The following DLGAP2 variants were observed in gnomAD, a reference collection of about 807,000 sequenced individuals.
DLGAP2 encodes disks large-associated protein 2.
A neutral mutation model predicts 100.3 loss-of-function variants in DLGAP2; 26 were observed. The ratio of observed to expected loss-of-function variants is 0.26; its 90% CI spans 0.19 to 0.36. DLGAP2 has a LOEUF of 0.36. Ranked by LOEUF, DLGAP2 falls within the 10% of genes least tolerant of loss-of-function variation. The pLI is 1.00. For synonymous variants in DLGAP2, 886 were observed against 630.1 expected (o/e 1.41, Z -6.08); for missense variants, 1,858 against 1,453.2 (o/e 1.28, Z -4.53).
intron 2 of DLGAP2, among the ~76,000 whole-genome samples, chr8:1,245,522 C>T (rs573754551): frequency 2.6e-5 from 4 of 152,306 alleles, no homozygotes; most frequent in Admixed American, 6.5e-5. Flanking sequence ...CATTTATATG[C>T]AGTGTTCAGA....
chr8:1,207,576 G>T (rs1227849118), intron 2 of DLGAP2, among the ~76,000 whole-genome samples: 1 of 152,194 alleles, frequency 6.6e-6, no homozygotes, highest in Non-Finnish European at 1.5e-5. Context: ...CTTCTGGGCA[G>T]ATACTCACGA....
At chr8:1,263,773 G>A (rs1219282239) in intron 3 of DLGAP2, among the ~76,000 whole-genome samples, 1 of 152,142 alleles carries the variant, frequency 6.6e-6, no homozygotes, top group Non-Finnish European at 1.5e-5. Context: ...TGCTCTCTGT[G>A]GAGAGGGAGG....
intron 3 of DLGAP2, among the ~76,000 whole-genome samples, chr8:1,364,440 C>A (rs1205645558): frequency 1.3e-5 from 2 of 151,992 alleles, no homozygotes; most frequent in East Asian, 1.9e-4. Flanking sequence ...CCTTCAGGAA[C>A]CCCAGATTCT....
intron 2 of DLGAP2, among the ~76,000 whole-genome samples, chr8:1,088,899 C>T (rs1242950503): frequency 7.2e-6 from 1 of 139,256 alleles, no homozygotes; most frequent in Non-Finnish European, 1.5e-5. Flanking sequence ...TTCTCGCTCC[C>T]CCCGCCTCAC....
At chr8:1,171,325 G>A (rs1048880646) in intron 2 of DLGAP2, among the ~76,000 whole-genome samples, 9 of 152,086 alleles carry the variant, frequency 5.9e-5, no homozygotes, top group African/African-American at 9.7e-5. Flanking sequence ...TTTTGGAATC[G>A]GTGTGGTTTG....
At chr8:1,591,132 C>G (rs945177907) in intron 6 of DLGAP2, among the ~76,000 whole-genome samples, 19 of 152,206 alleles carry the variant, frequency 1.2e-4, no homozygotes, top group East Asian at 1.9e-4. Flanking sequence ...ATGAAGACAC[C>G]AGCCCTTAGC....
chr8:1,646,199 C>A (rs921687755), intron 8 of DLGAP2, among the ~76,000 whole-genome samples: 2 of 152,130 alleles, frequency 1.3e-5, no homozygotes, highest in African/African-American at 4.8e-5. Context: ...GTGGAAGAAA[C>A]AAAACAGCTG....
In DLGAP2 at chr8:1,310,089, C is replaced by T. The variant is rs533537278; in HGVS notation, c.106+51206C>T. On this transcript the variant is annotated intron_variant, in intron 3 of 14. Transcript: ENST00000637795. Reference sequence around the variant, plus strand: ...AAAAAAAAAAAAAAGATGAAACCTGCGACAGCAAGGGAGGAAGGGAGCTGT... The same window carrying T: ...AAAAAAAAAAAAAAGATGAAACCTGTGACAGCAAGGGAGGAAGGGAGCTGT... Among the ~76,000 whole-genome samples, 9 of 149,322 alleles carry T rather than the reference C, an allele frequency of 6.0e-5. No individual in the cohort carries two copies. The South Asian group carries it at 6.3e-4, about 11-fold the overall frequency.
intron 3 of DLGAP2, among the ~76,000 whole-genome samples, chr8:1,317,207 G>T (rs1255115300): frequency 1.5e-5 from 2 of 136,332 alleles, no homozygotes; most frequent in East Asian, 4.2e-4. Context: ...TCCAACAGTG[G>T]TCTACACTCG....
In DLGAP2 at chr8:966,165, A is replaced by T. The variant is rs537264849; in HGVS notation, c.73+58199A>T. Among the ~76,000 whole-genome samples the T allele has an allele frequency of 7.9e-5, 12 of 152,326 alleles. No individual in the cohort carries two copies. In the East Asian group the frequency reaches 2.3e-3, roughly 29 times the overall value. ...CTTGCACAGTAAACGCAGCTGTAAC[A>T]TCTGGACCAGTGGAGCCAGTTGTGG... On this transcript the variant is annotated intron_variant, in intron 2 of 14. Coordinates refer to ENST00000637795, the MANE Select transcript of DLGAP2 (RefSeq NM_001346810.2).
intron 2 of DLGAP2, among the ~76,000 whole-genome samples, chr8:937,232 T>G (rs1469838465): frequency 3.3e-5 from 5 of 152,130 alleles, no homozygotes; most frequent in Non-Finnish European, 7.4e-5. Flanking sequence ...CAGCTGTGAG[T>G]CCTCTCTAGT....
At chr8:1,127,488 G>T (rs1018588026) in intron 2 of DLGAP2, among the ~76,000 whole-genome samples, 1 of 152,102 alleles carries the variant, frequency 6.6e-6, no homozygotes, top group Non-Finnish European at 1.5e-5. Flanking sequence ...GCTTTTCCCC[G>T]GAGGGTGCTG....
chr8:813,521 C>G (rs77286516), intron 1 of DLGAP2, among the ~76,000 whole-genome samples: 1 of 152,214 alleles, frequency 6.6e-6, no homozygotes, highest in East Asian at 1.9e-4. Context: ...GTGTGCGTGT[C>G]TTAGATTTCT....
intron 4 of DLGAP2, among the ~76,000 whole-genome samples, chr8:1,501,986 G>A (rs1306673533): frequency 6.6e-6 from 1 of 152,210 alleles, no homozygotes; most frequent in African/African-American, 2.4e-5. Flanking sequence ...TGCCATATTT[G>A]CCATCAGTCT....
At chr8:900,367 G>A (rs1022291592) in intron 1 of DLGAP2, among the ~76,000 whole-genome samples, 2 of 151,844 alleles carry the variant, frequency 1.3e-5, no homozygotes, top group Admixed American at 6.6e-5. Context: ...TCTTCACGGG[G>A]TTGCTCCCGG....
At chr8:1,067,701 C>T (rs1444375786) in intron 2 of DLGAP2, among the ~76,000 whole-genome samples, 1 of 151,364 alleles carries the variant, frequency 6.6e-6, no homozygotes, top group Admixed American at 6.6e-5. Flanking sequence ...GTGGAAAGTG[C>T]AGACAGTTCC....
chr8:1,335,213 C>T lies in DLGAP2; in HGVS notation c.106+76330C>T, dbSNP rs561414535. Among the ~76,000 whole-genome samples the T allele has an allele frequency of 3.3e-4, 51 of 152,278 alleles. 1 individual carries two copies. In the South Asian group the frequency reaches 8.9e-3, roughly 27 times the overall value. On this transcript the variant is annotated intron_variant, in intron 3 of 14. Coordinates refer to ENST00000637795, the MANE Select transcript of DLGAP2 (RefSeq NM_001346810.2). ...GTGGCCTTTCTCTCTCAGTCTACAC[C>T]GAAGCCATCAGGAGGCTTCGAGCTC...
intron 2 of DLGAP2, among the ~76,000 whole-genome samples, chr8:1,166,024 T>G (rs1330794381): frequency 1.3e-5 from 2 of 152,214 alleles, no homozygotes; most frequent in East Asian, 3.8e-4. Context: ...GAAAACTGAA[T>G]AATCTCCCGT....
intron 2 of DLGAP2, among the ~76,000 whole-genome samples, chr8:999,453 C>T (rs895657052): frequency 7.9e-5 from 12 of 150,990 alleles, no homozygotes; most frequent in East Asian, 1.9e-4. Context: ...TCCTGATTTA[C>T]CTCTTGGTCT....
Sources: allele counts gnomAD v4.1 joint callset (sites outside exome capture counted in the v4.1 genomes callset), GRCh38; gene constraint gnomAD v4.1.1; transcripts MANE v1.5; gene names NCBI Gene and HGNC (gene_info 2026-07-23, HGNC 2026-07-21).